The following GPR107 variants were observed in gnomAD, a reference collection of about 807,000 sequenced individuals.
The protein encoded by GPR107 is G protein-coupled receptor 107.
Under a neutral mutation model 75.5 loss-of-function variants are expected in GPR107, and 31 were observed. The observed-to-expected ratio is 0.41, with a 90% CI of 0.31 to 0.55. The LOEUF is 0.55. Among genes scored for constraint, GPR107 ranks in the 20% least tolerant of loss-of-function variants. The probability of loss-of-function intolerance (pLI) is 0.26; values close to 1 mark genes in which losing one functional copy is unlikely to be tolerated. For synonymous variants in GPR107, 267 were observed against 251.3 expected, an observed-to-expected ratio of 1.06 and a Z score of -0.59; for missense variants, 572 against 665.7, an observed-to-expected ratio of 0.86 and a Z score of 1.55.
chr9:130,092,337 C>T lies in GPR107; in HGVS notation c.819C>T (p.Phe273=), dbSNP rs759602422. Residue 273 remains phenylalanine (F), a synonymous_variant, in exon 9 of 18, where the codon TTC becomes TTT. Transcript: ENST00000347136. ...TATACATCTCAATGGCCTTTTTCTT[C>T]TTTCTTTCTGGGACCATCTGGATTC... The part of the protein sequence containing the change: ...PKLYISMAFF[F]FLSGTIWIHI... 36 of 1,611,110 alleles carry T rather than the reference C, an allele frequency of 2.2e-5. No individual in the cohort carries two copies. The highest frequency in any genetic ancestry group is 1.7e-4 in the Admixed American group (10 of 59,982).
intron 1 of GPR107, among the ~76,000 whole-genome samples, chr9:130,054,509 C>T (rs1038494304): frequency 2.0e-5 from 3 of 152,194 alleles, no homozygotes; most frequent in Non-Finnish European, 2.9e-5. Context: ...GAACCTTAGC[C>T]TCAGTTTCCC....
chr9:130,070,146 A>G (rs1589486589), intron 1 of GPR107, among the ~76,000 whole-genome samples: 1 of 142,966 alleles, frequency 7.0e-6, no homozygotes, highest in Admixed American at 7.1e-5. Context: ...ATAGGCTTGC[A>G]CCACCACACC....
rs558456722 is a variant in GPR107 at position 130,138,982 on chromosome 9, A to G, written c.*3861A>G. On this transcript the variant is annotated 3_prime_UTR_variant, in exon 18 of 18. Transcript: ENST00000347136. Reference sequence around the variant, plus strand: ...CCCAGCTCCATACACCCAGTAGAACAGTGGAACAACTCATGCTTCATGCTG... The same window carrying G: ...CCCAGCTCCATACACCCAGTAGAACGGTGGAACAACTCATGCTTCATGCTG... The G allele has an allele frequency of 3.9e-5, 6 of 152,284 alleles. No homozygotes were observed. Among genetic ancestry groups the G allele is most frequent in the Non-Finnish European group, 8.8e-5 (6 of 68,098 alleles). 9.4% of individuals were successfully genotyped at this position (152,284 alleles called of 1,614,324 possible). A position where few individuals can be genotyped will look rare whatever the true frequency, so the allele number is the denominator to read the frequency against.
chr9:130,074,079 G>T (rs757598060), intron 1 of GPR107, among the ~76,000 whole-genome samples: 1 of 152,200 alleles, frequency 6.6e-6, no homozygotes, highest in Non-Finnish European at 1.5e-5. Flanking sequence ...TTTAACAGAT[G>T]TTGAGGGGAA....
At chr9:130,060,581 G>A (rs973890423) in intron 1 of GPR107, among the ~76,000 whole-genome samples, 3 of 151,764 alleles carry the variant, frequency 2.0e-5, no homozygotes, top group Admixed American at 6.6e-5. Flanking sequence ...CACTGTGCTC[G>A]GCTAATCTGA....
intron 14 of GPR107, among the ~76,000 whole-genome samples, chr9:130,117,870 C>T (rs537036834): frequency 1.3e-5 from 2 of 152,066 alleles, no homozygotes; most frequent in South Asian, 2.1e-4. Flanking sequence ...TTCTGTGTGC[C>T]GCATAAATCA....
intron 12 of GPR107, among the ~76,000 whole-genome samples, chr9:130,102,780 T>C (rs1831066569): frequency 1.3e-5 from 2 of 152,120 alleles, no homozygotes; most frequent in Admixed American, 1.3e-4. Flanking sequence ...AAAGCCTTTG[T>C]TTTCTACTTT....
Position 130,139,252 on chromosome 9 carries a change from T to C in GPR107, c.*4131T>C, listed in dbSNP as rs1448455360. 4.6e-5 allele frequency: 7 copies of C among 152,226 alleles called. No homozygotes were observed. The highest frequency in any genetic ancestry group is 2.0e-4 in the Admixed American group (3 of 15,284). 9.4% of individuals were successfully genotyped at this position (152,226 alleles called of 1,614,324 possible). Reference sequence around the variant, plus strand: ...TGCCTCTTGGTATATCAAAAAGATATTCATCCAGAAAGTACCAAATGTTCT... The same window carrying C: ...TGCCTCTTGGTATATCAAAAAGATACTCATCCAGAAAGTACCAAATGTTCT... On this transcript the variant is annotated 3_prime_UTR_variant, in exon 18 of 18. Transcript: ENST00000347136.
intron 9 of GPR107, among the ~76,000 whole-genome samples, chr9:130,098,424 A>G (rs903135245): frequency 1.3e-5 from 2 of 151,836 alleles, no homozygotes; most frequent in African/African-American, 4.8e-5. Context: ...CAGTCCCCCT[A>G]CTCTGGGCTG....
chr9:130,085,851 A>G (rs1384491638), intron 6 of GPR107, among the ~76,000 whole-genome samples: 1 of 145,354 alleles, frequency 6.9e-6, no homozygotes, highest in East Asian at 2.1e-4. Flanking sequence ...CCCAGGTTCA[A>G]GCAGTTCTCC....
chr9:130,116,736 G>GGCAACA (rs1831436358), intron 14 of GPR107, among the ~76,000 whole-genome samples: 1 of 152,130 alleles, frequency 6.6e-6, no homozygotes, highest in African/African-American at 2.4e-5. Context: ...TAACAGGCTT[G>GGCAACA]GCAACAGAAG....
chr9:130,086,373 G>A (rs1182185062), intron 6 of GPR107, 47 bp from the exon 7 acceptor site: 1 of 632,616 alleles, frequency 1.6e-6, no homozygotes, highest in East Asian at 3.0e-5. Flanking sequence ...TAATTAGCAT[G>A]CTTCTATGCC....
chr9:130,123,525 C>CTTTCTT (rs1564684318), intron 14 of GPR107, among the ~76,000 whole-genome samples: 1 of 135,544 alleles, frequency 7.4e-6, no homozygotes, highest in African/African-American at 2.7e-5. Context: ...TCTTTCTTTT[C>CTTTCTT]TTTTCTTTTT....
At chr9:130,114,662 A>G in intron 14 of GPR107, 1 of 1,024,280 alleles carries the variant, frequency 9.8e-7, no homozygotes, top group Non-Finnish European at 1.3e-6. Flanking sequence ...CTGGGATTAC[A>G]GGTGTGAGCC....
At chr9:130,062,856 TAGTACTACAGG>T in intron 1 of GPR107, among the ~76,000 whole-genome samples, 1 of 152,224 alleles carries the variant, frequency 6.6e-6, no homozygotes, top group South Asian at 2.1e-4. Context: ...GCCTAGTAGC[TAGTACTACAGG>T]TGCACACCAC....
intron 17 of GPR107, chr9:130,129,641 A>C (rs1831770085): frequency 6.6e-6 from 1 of 152,290 alleles, no homozygotes; most frequent in African/African-American, 2.4e-5. Context: ...ACCTCCTTCT[A>C]AACAGTGGAG....
chr9:130,132,499 G>A (rs1329016284), intron 17 of GPR107, among the ~76,000 whole-genome samples: 1 of 152,326 alleles, frequency 6.6e-6, no homozygotes, highest in Non-Finnish European at 1.5e-5. Context: ...AAATATATTT[G>A]CCGTAGGCCA....
At position 130,056,924 on chromosome 9, in the gene GPR107, C is replaced by CAAAAAAAAAAAA. The variant is rs11442007; in HGVS notation, c.141+2867_141+2878dup. On this transcript the variant is annotated intron_variant, in intron 1 of 17. Transcript: ENST00000347136. ...TGGGTGACAGAGCGAGACTCCTTCT[C>CAAAAAAAAAAAA]AAAAAAAAAAAAAAAAAAAAAAAAA... Among the ~76,000 whole-genome samples, 21 of 42,892 alleles carry CAAAAAAAAAAAA rather than the reference C, an allele frequency of 4.9e-4. 2 individuals are homozygous for CAAAAAAAAAAAA. Among genetic ancestry groups the CAAAAAAAAAAAA allele is most frequent in the African/African-American group, 2.4e-3 (21 of 8,644 alleles). The allele number at this position is 42,892 out of a possible 152,430, so 28.1% of individuals were successfully genotyped here. A position where few individuals can be genotyped will look rare whatever the true frequency, so the allele number is the denominator to read the frequency against.
Position 130,079,734 on chromosome 9 carries a change from C to A in GPR107, c.491C>A (p.Pro164His), listed in dbSNP as rs747504394. Reference protein sequence around the residue: ...LGQSQEPNVNPASAGNQTQKT... With the variant: ...LGQSQEPNVNHASAGNQTQKT... ...CAGAGCCAGGAGCCTAATGTTAACC[C>A]TGCTTCAGCAGGCAACCAGACCCAG... Residue 164 changes from proline to histidine, a missense_variant, in exon 5 of 18, where the codon CCT becomes CAT. Physicochemically the swap from Pro to His is moderately conservative, Grantham distance 77. Transcript: ENST00000347136. 6.2e-7 allele frequency: 1 copy of A among 1,612,826 alleles called. No individual in the cohort carries two copies. The highest frequency in any genetic ancestry group is 8.5e-7 in the Non-Finnish European group (1 of 1,179,226).
Sources: gnomAD v4.1 joint callset for allele counts (sites outside exome capture counted in the v4.1 genomes callset) on GRCh38, gnomAD v4.1.1 for gene constraint, MANE v1.5 for transcripts, NCBI Gene and HGNC (gene_info 2026-07-23, HGNC 2026-07-21) for gene names.